Variants in RIMBP2 observed in about 807,000 individuals in gnomAD.
The protein encoded by RIMBP2 is RIMS-binding protein 2.
RIMBP2 carries 48 observed loss-of-function variants against 118.6 expected under a neutral mutation model. That is an observed-to-expected ratio of 0.40 (90% CI 0.32 to 0.51). RIMBP2 has a LOEUF of 0.51. Ranked by LOEUF, RIMBP2 falls within the 20% of genes least tolerant of loss-of-function variation. The probability of loss-of-function intolerance (pLI) is 0.41; values close to 1 mark genes in which losing one functional copy is unlikely to be tolerated. For synonymous variants in RIMBP2, 762 were observed against 742.9 expected (o/e 1.03, Z -0.42); for missense variants, 1,551 against 1,768.3 (o/e 0.88, Z 2.20).
At chr12:130,507,879 C>T (rs548034957) in intron 3 of RIMBP2, among the ~76,000 whole-genome samples, 2 of 152,168 alleles carry the variant, frequency 1.3e-5, no homozygotes, top group African/African-American at 2.4e-5. Context: ...CAAATACATT[C>T]TGTACTGAGT....
chr12:130,456,294 T>A (rs767852139), intron 7 of RIMBP2, among the ~76,000 whole-genome samples: 5 of 152,112 alleles, frequency 3.3e-5, no homozygotes, highest in Non-Finnish European at 7.4e-5. Context: ...GGTCCCACAT[T>A]TGTGGATGCC....
In RIMBP2 at chr12:130,703,246, C is replaced by T. The variant is rs957723640; in HGVS notation, c.-352+12976G>A. 6.6e-6 allele frequency among the ~76,000 whole-genome samples: 1 copy of T among 152,094 alleles called. No homozygotes were observed. Among genetic ancestry groups the T allele is most frequent in the African/African-American group, 2.4e-5 (1 of 41,398 alleles). On this transcript the variant is annotated intron_variant, in intron 1 of 22. Coordinates refer to ENST00000690449, the MANE Select transcript of RIMBP2 (RefSeq NM_001393629.1). The surrounding 1 kb of genome is among the most constrained non-coding windows in gnomAD (Gnocchi z 5.7). ...GTTGACAGATGACGCCTGGTGTTGG[C>T]CTTGTGCACCCCGATTAACCTCCAG...
intron 2 of RIMBP2, among the ~76,000 whole-genome samples, chr12:130,565,645 C>A (rs1016311371): frequency 2.0e-5 from 3 of 152,086 alleles, no homozygotes; most frequent in African/African-American, 7.3e-5. Context: ...TGCTAGTATC[C>A]CAACTACAAA....
intron 1 of RIMBP2, among the ~76,000 whole-genome samples, chr12:130,634,460 T>C (rs1204194456): frequency 6.6e-6 from 1 of 152,144 alleles, no homozygotes; most frequent in Admixed American, 6.5e-5. Context: ...CTCAGGCAGG[T>C]TAACAATCAC....
chr12:130,418,667 G>C (rs538959777), intron 17 of RIMBP2, among the ~76,000 whole-genome samples: 10 of 152,292 alleles, frequency 6.6e-5, no homozygotes, highest in African/African-American at 2.4e-4. Context: ...CGTGCAGAGG[G>C]GTCAGGGGCT....
At chr12:130,484,383 G>A (rs555712545) in intron 4 of RIMBP2, among the ~76,000 whole-genome samples, 2 of 152,292 alleles carry the variant, frequency 1.3e-5, no homozygotes, top group South Asian at 2.1e-4. Context: ...TGACTCTCAC[G>A]TTCCAGCCTT....
At chr12:130,600,458 T>C (rs2059804642) in intron 2 of RIMBP2, among the ~76,000 whole-genome samples, 1 of 148,038 alleles carries the variant, frequency 6.8e-6, no homozygotes, top group Non-Finnish European at 1.5e-5. Flanking sequence ...CAACAGAACC[T>C]CCCCCGTCTG....
intron 1 of RIMBP2, among the ~76,000 whole-genome samples, chr12:130,647,813 T>C (rs1371244506): frequency 6.8e-6 from 1 of 146,142 alleles, no homozygotes; most frequent in Non-Finnish European, 1.6e-5. Context: ...TGGTAACCTC[T>C]ACCTCTCTGC....
intron 2 of RIMBP2, among the ~76,000 whole-genome samples, chr12:130,557,890 C>CA (rs2056500458): frequency 6.6e-6 from 1 of 152,196 alleles, no homozygotes; most frequent in Admixed American, 6.5e-5. Context: ...TGCCCCTTCC[C>CA]AGTGAGCAGC....
At chr12:130,697,375 T>C (rs1011523317) in intron 1 of RIMBP2, among the ~76,000 whole-genome samples, 1 of 151,996 alleles carries the variant, frequency 6.6e-6, no homozygotes, top group African/African-American at 2.4e-5. Context: ...CTCTACAAAA[T>C]AGCCGGGTAT....
At chr12:130,533,634 A>G (rs2053710136) in intron 2 of RIMBP2, among the ~76,000 whole-genome samples, 1 of 152,254 alleles carries the variant, frequency 6.6e-6, no homozygotes, top group Admixed American at 6.5e-5. Context: ...CACTATTCAC[A>G]ATAGCAAAGC....
At chr12:130,588,848 A>C (rs1412892481) in intron 2 of RIMBP2, among the ~76,000 whole-genome samples, 2 of 152,382 alleles carry the variant, frequency 1.3e-5, no homozygotes, top group East Asian at 3.9e-4. Context: ...TAGAGCTCAC[A>C]GAAGTTATCT....
At chr12:130,506,944 A>G (rs2138822960) in intron 3 of RIMBP2, among the ~76,000 whole-genome samples, 174 bp from the exon 4 acceptor site, 1 of 152,256 alleles carries the variant, frequency 6.6e-6, no homozygotes, top group African/African-American at 2.4e-5. Flanking sequence ...CACATGACCA[A>G]GGGCTGGCCA....
At chr12:130,556,057 C>G (rs926417695) in intron 2 of RIMBP2, among the ~76,000 whole-genome samples, 1 of 152,158 alleles carries the variant, frequency 6.6e-6, no homozygotes, top group African/African-American at 2.4e-5. Flanking sequence ...AGGAAATGAA[C>G]AGGATGAGCA....
chr12:130,428,212 C>A lies in RIMBP2; in HGVS notation c.2379G>T (p.Arg793Ser). The A allele has an allele frequency of 1.4e-5, 22 of 1,612,740 alleles. No individual in the cohort carries two copies. Among genetic ancestry groups the A allele is most frequent in the Non-Finnish European group, 1.8e-5 (21 of 1,179,486 alleles). ...CATTGTGGGACGTGCCGCTGGGCCG[C>A]CTCCTTCCCCCATCTTCCAGCTGCA... is the stretch of plus-strand genomic sequence containing the variant. ...SEMQLEDGGRRRPSGTSHNAL... is the reference protein window; with the variant it reads ...SEMQLEDGGRSRPSGTSHNAL... The change falls in exon 15 of 23, where the codon AGG becomes AGT. Residue 793 changes from arginine (R) to serine (S), a missense_variant. Arg to Ser is a moderately radical substitution (Grantham distance 110). Coordinates refer to ENST00000690449, the MANE Select transcript of RIMBP2 (RefSeq NM_001393629.1).
At chr12:130,596,483 GCT>G (rs1019288755) in intron 2 of RIMBP2, among the ~76,000 whole-genome samples, 2 of 152,084 alleles carry the variant, frequency 1.3e-5, no homozygotes, top group African/African-American at 2.4e-5. Flanking sequence ...TGCCTACAGG[GCT>G]CTGAAACTGA....
rs2077336129 is a variant in RIMBP2, at chr12:130,434,088, C to T, written c.2253+646G>A. ...GGCTGTTTTGCTGTGGGAGTGGGTT[C>T]AGAGGATACTGTGTGATCTGATAAC... is the stretch of plus-strand genomic sequence containing the variant. On this transcript the variant is annotated intron_variant, in intron 14 of 22. Transcript: ENST00000690449. The surrounding 1 kb of genome is among the most constrained non-coding windows in gnomAD (Gnocchi z 5.7). 6.6e-6 allele frequency among the ~76,000 whole-genome samples: 1 copy of T among 152,156 alleles called. No individual in the cohort carries two copies. The highest frequency in any genetic ancestry group is 6.5e-5 in the Admixed American group (1 of 15,272).
At chr12:130,441,578 C>T (rs1157596112) in intron 11 of RIMBP2, among the ~76,000 whole-genome samples, 2 of 152,082 alleles carry the variant, frequency 1.3e-5, no homozygotes, top group Non-Finnish European at 2.9e-5. Flanking sequence ...CCTGGGGGGA[C>T]TCACTTCCCT....
chr12:130,585,034 A>T (rs995116489), intron 2 of RIMBP2, among the ~76,000 whole-genome samples: 1 of 152,094 alleles, frequency 6.6e-6, no homozygotes, highest in Non-Finnish European at 1.5e-5. Flanking sequence ...ACAGATGTAC[A>T]CCACCATGCC....
Sources: allele counts gnomAD v4.1 joint callset (sites outside exome capture counted in the v4.1 genomes callset), GRCh38; gene constraint gnomAD v4.1.1; non-coding constraint Gnocchi (gnomAD v3.1); transcripts MANE v1.5; gene names NCBI Gene and HGNC (gene_info 2026-07-23, HGNC 2026-07-21).